Variants in SPATA16 observed in about 807,000 individuals in gnomAD.
The protein encoded by SPATA16 is spermatogenesis-associated protein 16.
In SPATA16, 36 loss-of-function variants were observed where a neutral mutation model predicts 63.3. That is an observed-to-expected ratio of 0.57 (90% CI 0.44 to 0.75). SPATA16 has a LOEUF of 0.75. Ranked by LOEUF, SPATA16 falls within the 30% of genes least tolerant of loss-of-function variation. SPATA16 has a pLI of 0.00. For missense variants in SPATA16, 646 were observed against 679.3 expected, an observed-to-expected ratio of 0.95 and a Z score of 0.54; for synonymous variants, 203 against 216.7, an observed-to-expected ratio of 0.94 and a Z score of 0.56.
At position 173,026,611 on chromosome 3, in the gene SPATA16, GTAAAGA is replaced by G. The variant is rs530653019; in HGVS notation, c.759-7042_759-7037del. The stretch of plus-strand genomic sequence containing the variant: ...GAGTTGAATTTGTTTATGGTGTGAG[GTAAAGA>G]TAAAGACATTTTATTTTGCTTATAA... On this transcript the variant is annotated intron_variant, in intron 3 of 10. Transcript: ENST00000351008. Among the ~76,000 whole-genome samples, 19 of 151,978 alleles carry G rather than the reference GTAAAGA, an allele frequency of 1.3e-4. No individual in the cohort carries two copies. The South Asian group carries it at 3.7e-3, about 30-fold the overall frequency.
chr3:173,042,027 C>T (rs943038670), intron 3 of SPATA16, among the ~76,000 whole-genome samples: 10 of 151,898 alleles, frequency 6.6e-5, no homozygotes, highest in African/African-American at 2.2e-4. Flanking sequence ...TGCAAAATTC[C>T]TATTACTTCT....
At chr3:173,039,071 T>TA (rs1167161780) in intron 3 of SPATA16, among the ~76,000 whole-genome samples, 1 of 152,118 alleles carries the variant, frequency 6.6e-6, no homozygotes, top group Non-Finnish European at 1.5e-5. Context: ...TATTTGTAAT[T>TA]ATAGAGTTAA....
At chr3:173,082,377 T>C (rs933273901) in intron 2 of SPATA16, among the ~76,000 whole-genome samples, 3 of 152,136 alleles carry the variant, frequency 2.0e-5, no homozygotes, top group Admixed American at 6.6e-5. Flanking sequence ...TGGGAAGAAA[T>C]GGCTTCCAGC....
At chr3:173,041,503 T>C (rs1324688397) in intron 3 of SPATA16, among the ~76,000 whole-genome samples, 1 of 152,124 alleles carries the variant, frequency 6.6e-6, no homozygotes, top group Non-Finnish European at 1.5e-5. Context: ...CAAGACATTG[T>C]GAGGTGTTAA....
intron 2 of SPATA16, among the ~76,000 whole-genome samples, chr3:173,051,348 A>G (rs566471428): frequency 6.6e-6 from 1 of 151,210 alleles, no homozygotes; most frequent in African/African-American, 2.5e-5. Flanking sequence ...GATTACAGGC[A>G]AGTGCCACCA....
intron 1 of SPATA16, among the ~76,000 whole-genome samples, chr3:173,122,115 A>G (rs972775937): frequency 6.6e-6 from 1 of 152,234 alleles, no homozygotes; most frequent in Non-Finnish European, 1.5e-5. Context: ...TGATTTCCTC[A>G]TAGAAATATG....
At chr3:173,112,897 G>C (rs1189627113) in intron 2 of SPATA16, among the ~76,000 whole-genome samples, 1 of 152,274 alleles carries the variant, frequency 6.6e-6, no homozygotes, top group East Asian at 1.9e-4. Flanking sequence ...TTCAGAAGGT[G>C]GAAGCCTCTT....
intron 3 of SPATA16, among the ~76,000 whole-genome samples, chr3:173,021,322 A>G (rs949200658): frequency 5.3e-5 from 8 of 152,186 alleles, no homozygotes; most frequent in Admixed American, 2.0e-4. Flanking sequence ...GTATTATATC[A>G]CACTGCCTTT....
At chr3:173,088,008 G>GTCTTTCTTTCTTTCTT (rs57997275) in intron 2 of SPATA16, among the ~76,000 whole-genome samples, 145 of 90,890 alleles carry the variant, frequency 1.6e-3, no homozygotes, top group Middle Eastern at 6.9e-3. Context: ...TTTTCTTTCC[G>GTCTTTCTTTCTTTCTT]TCTTTCTTTC....
chr3:173,126,582 A>G (rs1738235286), intron 1 of SPATA16, among the ~76,000 whole-genome samples: 1 of 152,128 alleles, frequency 6.6e-6, no homozygotes, highest in Non-Finnish European at 1.5e-5. Context: ...ACTTTGGTCA[A>G]CTCTTTAATT....
At chr3:173,066,202 A>G (rs1736515862) in intron 2 of SPATA16, among the ~76,000 whole-genome samples, 2 of 152,184 alleles carry the variant, frequency 1.3e-5, no homozygotes, top group African/African-American at 4.8e-5. Context: ...GCATTTCTAG[A>G]TGCACCCTGG....
intron 2 of SPATA16, among the ~76,000 whole-genome samples, chr3:173,067,715 A>AGT (rs71162326): frequency 3.7e-5 from 2 of 53,422 alleles, no homozygotes; most frequent in Admixed American, 3.4e-4. Context: ...GAATAATAAC[A>AGT]GAACTTTCCA....
chr3:172,963,076 G>C (rs1409957169), intron 5 of SPATA16, among the ~76,000 whole-genome samples: 1 of 152,056 alleles, frequency 6.6e-6, no homozygotes, highest in Non-Finnish European at 1.5e-5. Context: ...GATGATTTTA[G>C]TATAATGGTG....
intron 3 of SPATA16, among the ~76,000 whole-genome samples, chr3:173,028,000 TCCC>T (rs1560100880): frequency 0.015 from 281 of 19,238 alleles, 8 homozygotes; most frequent in Middle Eastern, 0.11. Context: ...CCTCCCTCCC[TCCC>T]TCCCTCCCTC....
Position 172,925,383 on chromosome 3 carries a change from C to T in SPATA16, c.1191G>A (p.Leu397=). 17 of 1,613,860 alleles carry T rather than the reference C, an allele frequency of 1.1e-5. No homozygotes were observed. Among genetic ancestry groups the T allele is most frequent in the Non-Finnish European group, 1.4e-5 (17 of 1,179,918 alleles). The part of the protein sequence containing the change: ...GFKNKDDGKF[L]EKISSRKLPI... ...GCAGCTTCCTGCTTGATATTTTTTC[C>T]AAAAATTTTCCATCATCTTTGTTTT... The change falls in exon 7 of 11, where the codon TTG becomes TTA. Residue 397 remains leucine (L), a synonymous_variant. Transcript: ENST00000351008.
At chr3:173,139,523 C>T (rs762057442) in intron 1 of SPATA16, among the ~76,000 whole-genome samples, 1 of 152,100 alleles carries the variant, frequency 6.6e-6, no homozygotes, top group Non-Finnish European at 1.5e-5. Context: ...ATTTAAAAAC[C>T]CTTGAGCATA....
At position 172,955,540 on chromosome 3, in the gene SPATA16, C is replaced by T. The variant is rs553627065; in HGVS notation, c.1081+1137G>A. ...GGTTATTATGGCCCGTATTATGCTT[C>T]TCCTCTTCCCTTTCTCTGCCCTCAA... On this transcript the variant is annotated intron_variant, in intron 6 of 10. Transcript: ENST00000351008. 3.3e-5 allele frequency among the ~76,000 whole-genome samples: 5 copies of T among 152,172 alleles called. No homozygotes were observed. In the South Asian group the frequency reaches 1.0e-3, roughly 32 times the overall value.
chr3:172,981,058 T>G (rs1560087093), intron 4 of SPATA16, among the ~76,000 whole-genome samples: 1 of 152,206 alleles, frequency 6.6e-6, no homozygotes, highest in African/African-American at 2.4e-5. Flanking sequence ...TTTCTATACA[T>G]TCTCAGGCGC....
chr3:173,124,038 A>G (rs1738160995), intron 1 of SPATA16, among the ~76,000 whole-genome samples: 1 of 152,190 alleles, frequency 6.6e-6, no homozygotes, highest in Non-Finnish European at 1.5e-5. Context: ...GATTCCAGGG[A>G]CTGAAACTTA....
Sources: allele counts gnomAD v4.1 joint callset (sites outside exome capture counted in the v4.1 genomes callset), GRCh38; gene constraint gnomAD v4.1.1; transcripts MANE v1.5; gene names NCBI Gene and HGNC (gene_info 2026-07-23, HGNC 2026-07-21).